The following ABCB11 variants were observed in gnomAD, a reference collection of about 807,000 sequenced individuals.
ABCB11 encodes the protein ATP binding cassette subfamily B member 11, also known as bile salt export pump.
In ABCB11, 95 loss-of-function variants were observed where a neutral mutation model predicts 148.0. The observed-to-expected ratio is 0.64, with a 90% CI of 0.54 to 0.76. The LOEUF (loss-of-function observed/expected upper bound fraction) is 0.76. Ranked by LOEUF, ABCB11 falls within the 30% of genes least tolerant of loss-of-function variation. The pLI, the probability that ABCB11 is intolerant of heterozygous loss-of-function variation, is 0.00. For missense variants in ABCB11, 1,523 were observed against 1,617.8 expected, an observed-to-expected ratio of 0.94 and a Z score of 1.01; for synonymous variants, 591 against 555.4, an observed-to-expected ratio of 1.06 and a Z score of -0.90.
chr2:169,012,443 G>A (rs187792549), intron 5 of ABCB11, among the ~76,000 whole-genome samples: 3 of 152,160 alleles, frequency 2.0e-5, no homozygotes, highest in East Asian at 1.9e-4. Context: ...CTACTTCTGC[G>A]TGGTTGCCTC....
At position 168,935,387 on chromosome 2, in the gene ABCB11, A is replaced by G. The variant is rs1691772309; in HGVS notation, c.2853T>C (p.Ala951=). 1 of 1,614,034 alleles carries G rather than the reference A, an allele frequency of 6.2e-7. No homozygotes were observed. The highest frequency in any genetic ancestry group is 2.2e-5 in the East Asian group (1 of 44,884). Residue 951 remains alanine, a synonymous_variant, in exon 23 of 28, where the codon GCT becomes GCC. Transcript: ENST00000650372. ...TGAACCGCCTCTCCTTTCCAATTCC[A>G]GCAACAGTGCGGATGTTACTGAGGG... ...NEALSNIRTV[A]GIGKERRFIE... is the part of the protein sequence containing the mutation.
intron 1 of ABCB11, among the ~76,000 whole-genome samples, chr2:169,029,259 G>C (rs1242115139): frequency 1.5e-5 from 2 of 134,018 alleles, no homozygotes; most frequent in Non-Finnish European, 1.6e-5. Flanking sequence ...CTAAACTACA[G>C]TTTTCTTTTC....
At chr2:169,003,429 TATATC>T (rs1248872330) in intron 5 of ABCB11, among the ~76,000 whole-genome samples, 1 of 150,220 alleles carries the variant, frequency 6.7e-6, no homozygotes, top group African/African-American at 2.4e-5. Context: ...ATATTACATA[TATATC>T]ATATCTGTAT....
chr2:169,008,002 TG>T (rs2106036570), intron 5 of ABCB11, among the ~76,000 whole-genome samples: 1 of 152,276 alleles, frequency 6.6e-6, no homozygotes, highest in African/African-American at 2.4e-5. Context: ...TATTTCCAAA[TG>T]AAAGATCTGA....
Position 168,995,423 on chromosome 2 carries a change from A to C in ABCB11, c.537T>G (p.Phe179Leu). Residue 179 changes from phenylalanine to leucine, a missense_variant, in exon 7 of 28, where the codon TTT (phenylalanine) becomes TTG (leucine). Phe to Leu is a conservative substitution (Grantham distance 22). Coordinates refer to ENST00000650372, the MANE Select transcript of ABCB11 (RefSeq NM_003742.4). ...CTATTTCCATTCTCATTATTCTCCT[A>C]AAGTAAAATTTTCTCATTTTCTGTA... ...RQIQKMRKFY[F>L]RRIMRMEIGW... The C allele has an allele frequency of 6.2e-7, 1 of 1,612,346 alleles. No homozygotes were observed. Among genetic ancestry groups the C allele is most frequent in the East Asian group, 2.2e-5 (1 of 44,822 alleles).
chr2:169,023,853 C>G (rs1695609155), intron 1 of ABCB11, among the ~76,000 whole-genome samples: 1 of 152,294 alleles, frequency 6.6e-6, no homozygotes, highest in African/African-American at 2.4e-5. Context: ...TGAACTGTAT[C>G]TGCATGTTTT....
chr2:168,920,318 TG>T (rs1435133187), downstream of ABCB11, among the ~76,000 whole-genome samples: 9 of 152,198 alleles, frequency 5.9e-5, no homozygotes, highest in Non-Finnish European at 1.2e-4. Flanking sequence ...TCTTTCAGCT[TG>T]GAAATTCATA....
intron 8 of ABCB11, among the ~76,000 whole-genome samples, chr2:168,991,292 C>T (rs546641917): frequency 1.5e-4 from 23 of 152,114 alleles, no homozygotes; most frequent in Non-Finnish European, 2.1e-4. Flanking sequence ...TATAGACAAA[C>T]GCCAGAGACA....
chr2:168,995,004 G>C (rs1201471460), intron 7 of ABCB11, among the ~76,000 whole-genome samples: 1 of 152,008 alleles, frequency 6.6e-6, no homozygotes, highest in African/African-American at 2.4e-5. Flanking sequence ...CTCTCATTTA[G>C]AATTCCTGGG....
Position 168,944,924 on chromosome 2 carries a change from T to C in ABCB11, c.2381A>G (p.Gln794Arg), listed in dbSNP as rs1437364103. ...SIPDKEEQRS[Q>R]INGVCLLFVA... is the part of the protein sequence containing the mutation. ...AAAAAGTAGGCACACACCATTGATC[T>C]GTGACCTTTGTTCCTCTTTATCAGG... The change falls in exon 20 of 28, where the codon CAG becomes CGG. Residue 794 changes from glutamine (Q) to arginine (R), a missense_variant. Physicochemically the swap from Gln to Arg is conservative, Grantham distance 43 (BLOSUM62 1). Transcript: ENST00000650372. 8.3e-6 allele frequency: 13 copies of C among 1,568,406 alleles called. No individual in the cohort carries two copies. Among genetic ancestry groups the C allele is most frequent in the East Asian group, 2.3e-5 (1 of 42,618 alleles).
intron 12 of ABCB11, 34 bp from the exon 13 acceptor site, chr2:168,973,874 G>T (rs1219874815): frequency 6.2e-7 from 1 of 1,605,556 alleles, no homozygotes; most frequent in Non-Finnish European, 8.5e-7. Flanking sequence ...AGTTCAGATT[G>T]TCACTGTTTA....
At chr2:168,987,830 GT>G (rs1356748652) in intron 9 of ABCB11, among the ~76,000 whole-genome samples, 1 of 152,164 alleles carries the variant, frequency 6.6e-6, no homozygotes, top group Non-Finnish European at 1.5e-5. Context: ...ATAAAAATGT[GT>G]GAAATAGCAT....
At chr2:169,022,233 A>C (rs1259788620) in intron 1 of ABCB11, among the ~76,000 whole-genome samples, 1 of 151,990 alleles carries the variant, frequency 6.6e-6, no homozygotes, top group African/African-American at 2.4e-5. Context: ...AAAATGCAAG[A>C]TTTATAAGAT....
intron 23 of ABCB11, 67 bp from the exon 24 acceptor site, chr2:168,932,600 A>C: frequency 6.4e-7 from 1 of 1,565,782 alleles, no homozygotes; most frequent in Non-Finnish European, 8.7e-7. Context: ...CTGAAGGCAG[A>C]AGTTTGGGGA....
intron 12 of ABCB11, among the ~76,000 whole-genome samples, chr2:168,975,820 T>C (rs1195827257): frequency 6.7e-6 from 1 of 149,368 alleles, no homozygotes; most frequent in African/African-American, 2.5e-5. Flanking sequence ...CACATATATA[T>C]ATGATAGGTA....
chr2:169,011,871 C>G (rs551767304), intron 5 of ABCB11, among the ~76,000 whole-genome samples: 1 of 152,228 alleles, frequency 6.6e-6, no homozygotes, highest in African/African-American at 2.4e-5. Flanking sequence ...CACTATGTTG[C>G]CCAGGCTTGT....
At chr2:168,988,841 G>A (rs1694417881) in intron 9 of ABCB11, among the ~76,000 whole-genome samples, 1 of 151,976 alleles carries the variant, frequency 6.6e-6, no homozygotes, top group Non-Finnish European at 1.5e-5. Context: ...TTGTGGTTTT[G>A]ACTTGTGTTT....
intron 19 of ABCB11, among the ~76,000 whole-genome samples, chr2:168,954,549 C>G (rs1436873895): frequency 1.3e-5 from 2 of 151,458 alleles, no homozygotes; most frequent in African/African-American, 4.8e-5. Context: ...AAAATGCCAT[C>G]TCTTTCTCTT....
intron 16 of ABCB11, among the ~76,000 whole-genome samples, chr2:168,968,846 C>G (rs774064511): frequency 6.6e-6 from 1 of 151,512 alleles, no homozygotes; most frequent in Non-Finnish European, 1.5e-5. Flanking sequence ...GAATAACCCT[C>G]CTATGTTAAA....
Sources: allele counts gnomAD v4.1 joint callset (sites outside exome capture counted in the v4.1 genomes callset), GRCh38; gene constraint gnomAD v4.1.1; transcripts MANE v1.5; gene names NCBI Gene and HGNC (gene_info 2026-07-23, HGNC 2026-07-21).